Variants in ZNF366 observed in about 807,000 individuals in gnomAD.
The protein encoded by ZNF366 is dendritic cell-specific transcript protein.
In ZNF366, 20 loss-of-function variants were observed where a neutral mutation model predicts 47.2. The ratio of observed to expected loss-of-function variants is 0.42; its 90% CI spans 0.30 to 0.62. The LOEUF (loss-of-function observed/expected upper bound fraction) is 0.62. Among genes scored for constraint, ZNF366 ranks in the 20% least tolerant of loss-of-function variants. ZNF366 has a pLI of 0.16. For missense variants in ZNF366, 987 were observed against 976.3 expected (o/e 1.01, Z -0.15); for synonymous variants, 421 against 395.1 (o/e 1.07, Z -0.78).
chr5:72,444,065 G>T lies in ZNF366; in HGVS notation c.1926C>A (p.Leu642=), dbSNP rs1742910132. The stretch of plus-strand genomic sequence containing the variant: ...TGGTGGACAGATCCTCGGGTGTGCA[G>T]AGCTGCTGGCTCTGGGGGGCCAGGC... ...SPGLAPQSQQ[L]CTPEDLSTKS... is the part of the protein sequence containing the mutation. Residue 642 remains leucine, a synonymous_variant, in exon 5 of 5, where the codon CTC becomes CTA. Coordinates refer to ENST00000318442, the MANE Select transcript of ZNF366 (RefSeq NM_152625.3). The T allele has an allele frequency of 1.5e-5, 25 of 1,614,206 alleles. No homozygotes were observed. The highest frequency in any genetic ancestry group is 2.1e-5 in the Non-Finnish European group (25 of 1,180,032).
chr5:72,483,800 C>T (rs942507256), intron 1 of ZNF366, among the ~76,000 whole-genome samples: 1 of 152,130 alleles, frequency 6.6e-6, no homozygotes, highest in Non-Finnish European at 1.5e-5. Flanking sequence ...GGGGCTTCAT[C>T]CCACTGGAGT....
chr5:72,474,558 G>A (rs752027483), intron 1 of ZNF366, among the ~76,000 whole-genome samples: 29 of 152,102 alleles, frequency 1.9e-4, no homozygotes, highest in Non-Finnish European at 3.5e-4. Context: ...GAAGGTTACT[G>A]TAATTTTTCA....
intron 1 of ZNF366, among the ~76,000 whole-genome samples, chr5:72,468,393 G>A (rs1212897506): frequency 6.6e-6 from 1 of 152,106 alleles, no homozygotes. Context: ...CCCATGATGT[G>A]GACCAAGTCC....
intron 1 of ZNF366, among the ~76,000 whole-genome samples, chr5:72,462,846 C>T (rs1186838166): frequency 2.6e-5 from 4 of 152,136 alleles, no homozygotes; most frequent in Non-Finnish European, 5.9e-5. Context: ...CCACTGCACC[C>T]ATCCTTGCCA....
rs539423696 is a variant in ZNF366 at position 72,461,063 on chromosome 5, A to G, written c.434T>C (p.Phe145Ser). The G allele has an allele frequency of 1.2e-6, 2 of 1,614,100 alleles. No homozygotes were observed. Among genetic ancestry groups the G allele is most frequent in the African/African-American group, 1.3e-5 (1 of 75,028 alleles). ...TTCCTGCTTGACGGGCTTGCCCCCA[A>G]AGTGTTCCAGGCTGCGGTAGAATTG... ...GFQFYRSLEH[F>S]GGKPVKQEPI... The change falls in exon 2 of 5, where the codon TTT becomes TCT. Residue 145 changes from phenylalanine to serine, a missense_variant. Coordinates refer to ENST00000318442, the MANE Select transcript of ZNF366 (RefSeq NM_152625.3).
intron 1 of ZNF366, among the ~76,000 whole-genome samples, chr5:72,496,386 C>T (rs1288040733): frequency 6.6e-6 from 1 of 152,160 alleles, no homozygotes; most frequent in Non-Finnish European, 1.5e-5. Flanking sequence ...TACTGTGTGT[C>T]TGGTTCCTTT....
chr5:72,496,782 G>A (rs912154175), intron 1 of ZNF366, among the ~76,000 whole-genome samples: 3 of 152,076 alleles, frequency 2.0e-5, no homozygotes, highest in Non-Finnish European at 2.9e-5. Context: ...GTTTCTCCAC[G>A]TCCTTACCAA....
rs1259091529 is a variant in ZNF366, at chr5:72,442,820, CTGGCTAATTTT to C, written c.*925_*935del. 1 of 152,250 alleles carries C rather than the reference CTGGCTAATTTT, an allele frequency of 6.6e-6. No individual in the cohort carries two copies. The highest frequency in any genetic ancestry group is 6.5e-5 in the Admixed American group (1 of 15,278). The allele number at this position is 152,250 out of a possible 1,614,324, so 9.4% of individuals were successfully genotyped here. On this transcript the variant is annotated 3_prime_UTR_variant, in exon 5 of 5. Coordinates refer to ENST00000318442, the MANE Select transcript of ZNF366 (RefSeq NM_152625.3). The stretch of plus-strand genomic sequence containing the variant: ...GAACTACAGGCTCCTGCCATCATGC[CTGGCTAATTTT>C]TGTATTTTTAGTAGAGAAGGGGTTT...
intron 1 of ZNF366, among the ~76,000 whole-genome samples, chr5:72,489,703 C>G (rs1211256822): frequency 6.6e-6 from 1 of 152,150 alleles, no homozygotes; most frequent in Non-Finnish European, 1.5e-5. Flanking sequence ...AAAGTATTCC[C>G]TAATACCATT....
chr5:72,476,704 G>A (rs1743680607), intron 1 of ZNF366, among the ~76,000 whole-genome samples: 1 of 152,212 alleles, frequency 6.6e-6, no homozygotes, highest in South Asian at 2.1e-4. Flanking sequence ...CCTGGCAGCA[G>A]TGGGGAGTGC....
chr5:72,482,746 T>G (rs372221705), intron 1 of ZNF366, among the ~76,000 whole-genome samples: 4 of 140,970 alleles, frequency 2.8e-5, no homozygotes, highest in Admixed American at 1.4e-4. Context: ...CATTTCTATT[T>G]TGTGTGTGTG....
intron 1 of ZNF366, among the ~76,000 whole-genome samples, chr5:72,467,303 C>T (rs1743450618): frequency 6.6e-6 from 1 of 152,146 alleles, no homozygotes; most frequent in Admixed American, 6.5e-5. Flanking sequence ...CAGATAGCTT[C>T]CTTAACTGCT....
At chr5:72,480,726 ACCTGGAAAGAGATAATT>A (rs1289691572) in intron 1 of ZNF366, among the ~76,000 whole-genome samples, 1 of 152,226 alleles carries the variant, frequency 6.6e-6, no homozygotes, top group Non-Finnish European at 1.5e-5. Context: ...TGAAGGTCTC[ACCTGGAAAGAGATAATT>A]CATTTGAGTC....
intron 1 of ZNF366, among the ~76,000 whole-genome samples, chr5:72,494,481 G>A (rs1225434530): frequency 6.6e-6 from 1 of 152,098 alleles, no homozygotes; most frequent in African/African-American, 2.4e-5. Context: ...ATTAAGCAGA[G>A]CAACCACTAA....
chr5:72,457,923 G>A (rs1413406606), intron 2 of ZNF366, among the ~76,000 whole-genome samples: 2 of 151,186 alleles, frequency 1.3e-5, no homozygotes, highest in East Asian at 2.0e-4. Flanking sequence ...TCTTTAAAAT[G>A]TAGTGCATAT....
intron 1 of ZNF366, among the ~76,000 whole-genome samples, chr5:72,505,064 A>G (rs1744294440): frequency 6.6e-6 from 1 of 152,256 alleles, no homozygotes; most frequent in Non-Finnish European, 1.5e-5. Context: ...TAAAATGTGT[A>G]TAAGAAATTG....
At chr5:72,472,652 TAC>T in intron 1 of ZNF366, 1 of 771,782 alleles carries the variant, frequency 1.3e-6, no homozygotes, top group Non-Finnish European at 1.6e-6. Context: ...ATTACAGAAT[TAC>T]ACACTGCAAA....
At chr5:72,474,582 A>AT (rs909631295) in intron 1 of ZNF366, among the ~76,000 whole-genome samples, 2 of 151,952 alleles carry the variant, frequency 1.3e-5, no homozygotes, top group South Asian at 2.1e-4. Flanking sequence ...TTCTATGTTA[A>AT]TTTTTTTAAT....
chr5:72,467,441 A>T (rs1002779917), intron 1 of ZNF366, among the ~76,000 whole-genome samples: 4 of 152,204 alleles, frequency 2.6e-5, no homozygotes, highest in Non-Finnish European at 5.9e-5. Context: ...CCAAGATAAA[A>T]CCACATTTAG....
Sources: allele counts gnomAD v4.1 joint callset (sites outside exome capture counted in the v4.1 genomes callset), GRCh38; gene constraint gnomAD v4.1.1; transcripts MANE v1.5; gene names NCBI Gene and HGNC (gene_info 2026-07-23, HGNC 2026-07-21).